The following WDFY3 variants were observed in gnomAD, a reference collection of about 807,000 sequenced individuals.
The protein encoded by WDFY3 is WD repeat and FYVE domain containing 3.
WDFY3 carries 66 observed loss-of-function variants against 409.6 expected under a neutral mutation model. The ratio of observed to expected loss-of-function variants is 0.16; its 90% CI spans 0.13 to 0.20. The LOEUF (loss-of-function observed/expected upper bound fraction) is 0.20. Among genes scored for constraint, WDFY3 ranks in the 10% least tolerant of loss-of-function variants. WDFY3 has a pLI of 1.00. For missense variants in WDFY3, 3,031 were observed against 4,298.1 expected, an observed-to-expected ratio of 0.71 and a Z score of 8.24; for synonymous variants, 1,521 against 1,537.1, an observed-to-expected ratio of 0.99 and a Z score of 0.25.
At chr4:84,802,597 A>C (rs570535903) in intron 16 of WDFY3, among the ~76,000 whole-genome samples, 2 of 152,150 alleles carry the variant, frequency 1.3e-5, no homozygotes, top group Non-Finnish European at 2.9e-5. Context: ...TGAAGTCTCT[A>C]TATGCTTCCA....
chr4:84,782,814 T>G (rs950825465), intron 25 of WDFY3, 149 bp downstream of exon 25: 1 of 605,226 alleles, frequency 1.7e-6, no homozygotes, highest in African/African-American at 1.9e-5. Flanking sequence ...AATTTGAGAT[T>G]GTTACATGTA....
chr4:84,689,851 G>A (rs1475884430), intron 61 of WDFY3, among the ~76,000 whole-genome samples: 2 of 152,106 alleles, frequency 1.3e-5, no homozygotes, highest in African/African-American at 2.4e-5. Flanking sequence ...AAGTGGTATT[G>A]TTACATTATT....
intron 10 of WDFY3, among the ~76,000 whole-genome samples, chr4:84,822,097 A>C (rs1400470297): frequency 6.6e-6 from 1 of 152,184 alleles, no homozygotes; most frequent in Non-Finnish European, 1.5e-5. Context: ...CAATTTCTTC[A>C]TATAGACATT....
chr4:84,875,231 G>A (rs1474686223), intron 3 of WDFY3, among the ~76,000 whole-genome samples: 1 of 149,894 alleles, frequency 6.7e-6, no homozygotes, highest in Non-Finnish European at 1.5e-5. Context: ...TCACGCCACT[G>A]CACTCCAGCC....
intron 1 of WDFY3, among the ~76,000 whole-genome samples, chr4:84,960,598 C>G (rs1269269895): frequency 6.6e-6 from 1 of 152,076 alleles, no homozygotes; most frequent in Non-Finnish European, 1.5e-5. Context: ...GTGAATATAG[C>G]TATTCTTATT....
At chr4:84,966,034 G>A (rs1775669809) in intron 1 of WDFY3, among the ~76,000 whole-genome samples, 175 bp downstream of exon 1, 1 of 151,932 alleles carries the variant, frequency 6.6e-6, no homozygotes, top group South Asian at 2.1e-4. Context: ...CGGCCAAGGC[G>A]GACCCTGGGG....
intron 44 of WDFY3, among the ~76,000 whole-genome samples, chr4:84,729,404 CAAGG>C (rs946006381): frequency 1.1e-4 from 16 of 151,628 alleles, no homozygotes; most frequent in Admixed American, 3.9e-4. Flanking sequence ...AATTACTCCC[CAAGG>C]AAGGTTACTG....
Position 84,801,674 on chromosome 4 carries a change from T to C in WDFY3, c.2798A>G (p.Gln933Arg), listed in dbSNP as rs1015669161. 6.2e-7 allele frequency: 1 copy of C among 1,611,570 alleles called. No homozygotes were observed. The highest frequency in any genetic ancestry group is 8.5e-7 in the Non-Finnish European group (1 of 1,179,290). ...CCTCAACACCATGGGTTCCAGAGCCTGAGAGGCTAATCGTTCAAACATCCG... is the reference window on the plus strand; with the variant it reads ...CCTCAACACCATGGGTTCCAGAGCCCGAGAGGCTAATCGTTCAAACATCCG... ...LQRMFERLAS[Q>R]ALEPMVLREF... Residue 933 changes from glutamine (Q) to arginine (R), a missense_variant, in exon 17 of 68, where the codon CAG becomes CGG. Physicochemically the swap from Gln to Arg is conservative, Grantham distance 43 (BLOSUM62 1). Transcript: ENST00000295888.
intron 8 of WDFY3, among the ~76,000 whole-genome samples, chr4:84,830,817 G>T (rs141575985): frequency 1.2e-3 from 179 of 152,228 alleles, no homozygotes; most frequent in Admixed American, 9.6e-3. Context: ...GAAGAGAGAA[G>T]AATAGGCTGT....
intron 26 of WDFY3, 50 bp downstream of exon 26, chr4:84,780,058 A>G: frequency 8.1e-6 from 12 of 1,474,484 alleles, no homozygotes; most frequent in Non-Finnish European, 1.1e-5. Flanking sequence ...AAAAAAGCAG[A>G]GTATTTTAGG....
At chr4:84,901,870 G>A (rs184970001) in intron 2 of WDFY3, among the ~76,000 whole-genome samples, 19 of 152,210 alleles carry the variant, frequency 1.2e-4, no homozygotes, top group African/African-American at 2.4e-4. Flanking sequence ...TTTTCTGCAC[G>A]CAGTCTGGCA....
chr4:84,705,158 T>TA (rs1393887125), intron 54 of WDFY3, among the ~76,000 whole-genome samples: 3 of 152,178 alleles, frequency 2.0e-5, no homozygotes, highest in Non-Finnish European at 4.4e-5. Context: ...CAGGAATACT[T>TA]AGTTTTCCAC....
intron 6 of WDFY3, among the ~76,000 whole-genome samples, chr4:84,838,550 ACTAACCCC>A (rs890041143): frequency 6.6e-6 from 1 of 152,190 alleles, no homozygotes; most frequent in Non-Finnish European, 1.5e-5. Context: ...TAATTGGGAA[ACTAACCCC>A]CCAAACCACA....
rs747031419 is a variant in WDFY3 at position 84,775,050 on chromosome 4, G to C, written c.4592+15C>G. Reference sequence around the variant, plus strand: ...CTATAGCTGAATAATTAACTACGTGGGTATTAATTAATACCTGGACTCTGT... The same window carrying C: ...CTATAGCTGAATAATTAACTACGTGCGTATTAATTAATACCTGGACTCTGT... On this transcript the variant is annotated intron_variant, in intron 28 of 67. Coordinates refer to ENST00000295888, the MANE Select transcript of WDFY3 (RefSeq NM_014991.6). 8 of 1,613,298 alleles carry C rather than the reference G, an allele frequency of 5.0e-6. No homozygotes were observed. The highest frequency in any genetic ancestry group is 3.3e-5 in the South Asian group (3 of 91,014).
At chr4:84,688,801 G>A (rs893049793) in intron 61 of WDFY3, among the ~76,000 whole-genome samples, 4 of 152,092 alleles carry the variant, frequency 2.6e-5, no homozygotes, top group South Asian at 2.1e-4. Context: ...GTCCTGAGGC[G>A]TCAACATGCT....
intron 59 of WDFY3, among the ~76,000 whole-genome samples, chr4:84,692,176 A>G (rs1379622375): frequency 6.6e-6 from 1 of 152,192 alleles, no homozygotes; most frequent in Admixed American, 6.5e-5. Context: ...GACTTCCTCA[A>G]GGAAGGTCAT....
At chr4:84,807,664 G>T (rs1751738958) in intron 15 of WDFY3, among the ~76,000 whole-genome samples, 2 of 152,144 alleles carry the variant, frequency 1.3e-5, no homozygotes, top group African/African-American at 4.8e-5. Flanking sequence ...TTATGTGCAG[G>T]TTGCATCAAT....
At chr4:84,828,290 G>A (rs1320369851) in intron 9 of WDFY3, among the ~76,000 whole-genome samples, 1 of 5,718 alleles carries the variant, frequency 1.7e-4, no homozygotes, top group Non-Finnish European at 0.012. Flanking sequence ...GGAAAAGGGG[G>A]TTAAGTAACA....
chr4:84,699,125 C>T (rs770948966), intron 56 of WDFY3, among the ~76,000 whole-genome samples: 1 of 151,676 alleles, frequency 6.6e-6, no homozygotes, highest in African/African-American at 2.4e-5. Context: ...TTAGTTCAGA[C>T]ACAATGTTAC....
Sources: gnomAD v4.1 joint callset for allele counts (sites outside exome capture counted in the v4.1 genomes callset) on GRCh38, gnomAD v4.1.1 for gene constraint, MANE v1.5 for transcripts, NCBI Gene and HGNC (gene_info 2026-07-23, HGNC 2026-07-21) for gene names.